The following DPP10 variants were observed in gnomAD, a reference collection of about 807,000 sequenced individuals.
DPP10 encodes dipeptidyl peptidase like 10.
In DPP10, 33 loss-of-function variants were observed where a neutral mutation model predicts 120.9. The observed-to-expected ratio is 0.27, with a 90% CI of 0.21 to 0.37. DPP10 has a LOEUF of 0.37. DPP10 is among the 10% of genes least tolerant of loss of function. DPP10 has a pLI of 1.00. For missense variants in DPP10, 816 were observed against 942.8 expected (o/e 0.87, Z 1.76); for synonymous variants, 337 against 326.1 (o/e 1.03, Z -0.36).
At chr2:115,005,760 T>C (rs1307310414) in intron 1 of DPP10, among the ~76,000 whole-genome samples, 3 of 152,072 alleles carry the variant, frequency 2.0e-5, no homozygotes, top group East Asian at 3.9e-4. Flanking sequence ...CTGAAAGTGA[T>C]GGGGAGAATG....
At chr2:115,555,293 T>G (rs2080140362) in intron 5 of DPP10, among the ~76,000 whole-genome samples, 1 of 152,128 alleles carries the variant, frequency 6.6e-6, no homozygotes, top group Non-Finnish European at 1.5e-5. Flanking sequence ...CTGTGGCATG[T>G]GAATTAAAGC....
chr2:115,464,392 A>G (rs2074177039), intron 3 of DPP10, among the ~76,000 whole-genome samples: 1 of 116,294 alleles, frequency 8.6e-6, no homozygotes, highest in South Asian at 3.6e-4. Flanking sequence ...CTGACTCCTT[A>G]AAGTTCTGCA....
At chr2:115,576,980 A>C (rs1207027987) in intron 5 of DPP10, among the ~76,000 whole-genome samples, 2 of 152,210 alleles carry the variant, frequency 1.3e-5, no homozygotes, top group African/African-American at 4.8e-5. Context: ...AATGAATGCC[A>C]CTGAAAGGCA....
intron 1 of DPP10, among the ~76,000 whole-genome samples, chr2:114,817,518 C>T (rs1304296198): frequency 6.6e-6 from 1 of 152,052 alleles, no homozygotes; most frequent in Non-Finnish European, 1.5e-5. Flanking sequence ...GAACTGATGC[C>T]TGAAGGAGGG....
intron 13 of DPP10, 82 bp downstream of exon 13, chr2:115,768,486 C>G (rs2149813250): frequency 7.9e-7 from 1 of 1,264,482 alleles, no homozygotes; most frequent in Non-Finnish European, 1.1e-6. Flanking sequence ...TTCTAAACCT[C>G]TAGTTCATGG....
chr2:115,256,776 T>A (rs1251694088), intron 1 of DPP10, among the ~76,000 whole-genome samples: 2 of 152,230 alleles, frequency 1.3e-5, no homozygotes, highest in African/African-American at 4.8e-5. Context: ...GCAGATTTTT[T>A]AAACTTTTAC....
At chr2:115,242,135 G>A (rs1384676010) in intron 1 of DPP10, among the ~76,000 whole-genome samples, 2 of 152,152 alleles carry the variant, frequency 1.3e-5, no homozygotes, top group African/African-American at 2.4e-5. Flanking sequence ...AATTTGTAGC[G>A]TTTTATCCCT....
At chr2:115,807,182 A>G (rs1686082925) in intron 19 of DPP10, among the ~76,000 whole-genome samples, 3 of 152,316 alleles carry the variant, frequency 2.0e-5, no homozygotes, top group Middle Eastern at 6.8e-3. Flanking sequence ...AAAATTGGCC[A>G]AAGGATAAGA....
intron 7 of DPP10, among the ~76,000 whole-genome samples, chr2:115,720,490 T>A (rs926225847): frequency 6.6e-6 from 1 of 152,128 alleles, no homozygotes; most frequent in Non-Finnish European, 1.5e-5. Flanking sequence ...TAAACAAATA[T>A]AAAGGTTTTG....
intron 1 of DPP10, among the ~76,000 whole-genome samples, chr2:114,671,850 T>C (rs62165214): frequency 0.04 from 6,103 of 152,200 alleles, 173 homozygotes; most frequent in Non-Finnish European, 0.062. Flanking sequence ...ATATTAAGCA[T>C]CTACTAAAAC....
intron 1 of DPP10, among the ~76,000 whole-genome samples, chr2:114,726,000 A>C (rs1425254850): frequency 6.6e-6 from 1 of 152,136 alleles, no homozygotes; most frequent in Admixed American, 6.5e-5. Flanking sequence ...TGGGAGGCCG[A>C]GGCGGGCAGA....
intron 8 of DPP10, 72 bp downstream of exon 8, chr2:115,728,008 T>G (rs2149640027): frequency 6.6e-7 from 1 of 1,512,608 alleles, no homozygotes; most frequent in Non-Finnish European, 8.9e-7. Flanking sequence ...AAAAAAAATC[T>G]ATTCATTCCG....
intron 3 of DPP10, among the ~76,000 whole-genome samples, chr2:115,455,065 A>C (rs936994871): frequency 1.3e-5 from 2 of 151,170 alleles, no homozygotes; most frequent in African/African-American, 4.8e-5. Context: ...AATAAATATA[A>C]ATATGTAAAA....
At chr2:114,745,818 C>A (rs1678525951) in intron 1 of DPP10, among the ~76,000 whole-genome samples, 1 of 152,200 alleles carries the variant, frequency 6.6e-6, no homozygotes, top group Non-Finnish European at 1.5e-5. Flanking sequence ...TTGCAGACCT[C>A]CCAAGTCAGG....
chr2:115,377,219 T>G (rs571909712), intron 3 of DPP10, among the ~76,000 whole-genome samples: 2,890 of 151,522 alleles, frequency 0.019, 79 homozygotes, highest in African/African-American at 0.067. Flanking sequence ...ACCTGTTGTT[T>G]CCTGACTTTT....
chr2:115,035,354 A>G (rs1704156474), intron 1 of DPP10, among the ~76,000 whole-genome samples: 1 of 152,212 alleles, frequency 6.6e-6, no homozygotes, highest in Non-Finnish European at 1.5e-5. Context: ...GCCCATTTTT[A>G]TAACACAAAA....
At chr2:114,512,187 A>T (rs1684201550) in intron 1 of DPP10, among the ~76,000 whole-genome samples, 1 of 152,156 alleles carries the variant, frequency 6.6e-6, no homozygotes, top group South Asian at 2.1e-4. Flanking sequence ...AACTCAGATG[A>T]TCTTCTTCTG....
intron 1 of DPP10, among the ~76,000 whole-genome samples, chr2:114,517,072 T>G (rs1251475443): frequency 2.0e-5 from 3 of 152,226 alleles, no homozygotes; most frequent in Non-Finnish European, 2.9e-5. Context: ...TTGGCATTGA[T>G]TTAGTGAGAT....
intron 3 of DPP10, among the ~76,000 whole-genome samples, chr2:115,381,643 T>G (rs972593655): frequency 7.9e-5 from 12 of 152,236 alleles, no homozygotes; most frequent in Non-Finnish European, 1.2e-4. Flanking sequence ...TTTTTAGAGT[T>G]TCCAGTTTTT....
Sources: allele counts gnomAD v4.1 joint callset (sites outside exome capture counted in the v4.1 genomes callset), GRCh38; gene constraint gnomAD v4.1.1; transcripts MANE v1.5; gene names NCBI Gene and HGNC (gene_info 2026-07-23, HGNC 2026-07-21).